ZNF615: variants seen among roughly 807,000 people sequenced by gnomAD.
The protein encoded by ZNF615 is zinc finger protein 615.
A neutral mutation model predicts 15.3 loss-of-function variants in ZNF615; 15 were observed. That is an observed-to-expected ratio of 0.98 (90% CI 0.66 to 1.51). The LOEUF (loss-of-function observed/expected upper bound fraction) is 1.51, where lower values mean the gene tolerates loss of function less well. Among genes scored for constraint, ZNF615 ranks in the 40% most tolerant of loss-of-function variants. The pLI, the probability that ZNF615 is intolerant of heterozygous loss-of-function variation, is 0.00. For missense variants in ZNF615, 848 were observed against 895.9 expected, an observed-to-expected ratio of 0.95 and a Z score of 0.68; for synonymous variants, 268 against 294.6, an observed-to-expected ratio of 0.91 and a Z score of 0.92.
Position 51,994,123 on chromosome 19 carries a change from C to T in ZNF615, c.986G>A (p.Cys329Tyr), listed in dbSNP as rs749462368. ...AGAGAAGGCCTTCCCACATACACTG[C>T]ATCCATGGGGTTTCTCTCCTGTATG... ...RTHTGEKPHG[C>Y]SVCGKAFSTK... Residue 329 changes from cysteine to tyrosine, a missense_variant, in exon 7 of 7, where the codon TGC (cysteine) becomes TAC (tyrosine). Coordinates refer to ENST00000598071, the MANE Select transcript of ZNF615 (RefSeq NM_001199324.2). The T allele has an allele frequency of 6.2e-6, 10 of 1,613,958 alleles. No individual in the cohort carries two copies. Among genetic ancestry groups the T allele is most frequent in the African/African-American group, 2.7e-5 (2 of 74,930 alleles).
At position 51,993,152 on chromosome 19, in the gene ZNF615, G is replaced by A. The variant is rs928862724; in HGVS notation, c.1957C>T (p.His653Tyr). 13 of 1,614,100 alleles carry A rather than the reference G, an allele frequency of 8.1e-6. No homozygotes were observed. The highest frequency in any genetic ancestry group is 1.1e-5 in the South Asian group (1 of 91,086). The change falls in exon 7 of 7, where the codon CAT becomes TAT. Residue 653 changes from histidine (H) to tyrosine (Y), a missense_variant. Coordinates refer to ENST00000598071, the MANE Select transcript of ZNF615 (RefSeq NM_001199324.2). ...GTCTTTCCTGTGTGAAATCGCTGATGTTGTATGAGGCATGTCTTCTTCCTG... is the reference window on the plus strand; with the variant it reads ...GTCTTTCCTGTGTGAAATCGCTGATATTGTATGAGGCATGTCTTCTTCCTG... Reference protein sequence around the residue: ...TFRKKTCLIQHQRFHTGKTSF... With the variant: ...TFRKKTCLIQYQRFHTGKTSF...
intron 6 of ZNF615, among the ~76,000 whole-genome samples, chr19:51,999,850 G>A (rs185783640): frequency 6.6e-6 from 1 of 152,260 alleles, no homozygotes. Context: ...AACTTTAAGA[G>A]AGTTCAGCAT....
chr19:51,994,361 T>C lies in ZNF615; in HGVS notation c.748A>G (p.Lys250Glu), dbSNP rs1181439859. 5.0e-6 allele frequency: 8 copies of C among 1,614,048 alleles called. No individual in the cohort carries two copies. The highest frequency in any genetic ancestry group is 6.8e-6 in the Non-Finnish European group (8 of 1,180,032). The change falls in exon 7 of 7, where the codon AAA (lysine) becomes GAA (glutamate). Residue 250 changes from lysine (K) to glutamate (E), a missense_variant. Coordinates refer to ENST00000598071, the MANE Select transcript of ZNF615 (RefSeq NM_001199324.2). Reference sequence around the variant, plus strand: ...AGTCTGGATTTTCTGGAGAAAGCTTTCCCACACATACTGCATACATGAGGT... The same window carrying C: ...AGTCTGGATTTTCTGGAGAAAGCTTCCCCACACATACTGCATACATGAGGT... ...EKPHVCSMCGKAFSRKSRLMD... is the reference protein window; with the variant it reads ...EKPHVCSMCGEAFSRKSRLMD...
At position 51,992,857 on chromosome 19, in the gene ZNF615, G is replaced by A; in HGVS notation, c.*23C>T. The A allele has an allele frequency of 6.2e-7, 1 of 1,610,736 alleles. No homozygotes were observed. ...GCAGATATCTTAAGGGCCTACATCT[G>A]GCAAGAGGCTTTCCCAAAATGACTA... On this transcript the variant is annotated 3_prime_UTR_variant, in exon 7 of 7. Transcript: ENST00000598071.
chr19:51,997,620 G>A (rs958397829), intron 6 of ZNF615, among the ~76,000 whole-genome samples: 3 of 152,134 alleles, frequency 2.0e-5, no homozygotes, highest in Non-Finnish European at 2.9e-5. Flanking sequence ...GAAAGAACTC[G>A]TCTTAACTGC....
chr19:51,994,864 C>T lies in ZNF615; in HGVS notation c.272-27G>A, dbSNP rs370684254. 5.2e-6 allele frequency: 8 copies of T among 1,533,520 alleles called. No homozygotes were observed. The African/African-American group carries it at 1.1e-4, about 21-fold the overall frequency. The allele number at this position is 1,533,520 out of a possible 1,614,324, so 95.0% of individuals were successfully genotyped here. A position where few individuals can be genotyped will look rare whatever the true frequency, so the allele number is the denominator to read the frequency against. The stretch of plus-strand genomic sequence containing the variant: ...TAGGAAAGAAGAGAACAGTCAATCA[C>T]TCCATCATCTTGTTTTGAAATAAAC... On this transcript the variant is annotated intron_variant, in intron 6 of 6. Transcript: ENST00000598071.
intron 6 of ZNF615, among the ~76,000 whole-genome samples, chr19:51,995,895 G>A (rs1013555593): frequency 6.6e-6 from 1 of 151,608 alleles, no homozygotes; most frequent in African/African-American, 2.4e-5. Flanking sequence ...ATTTTAGTTA[G>A]GAAAAAATGA....
In ZNF615 at chr19:51,993,079, T is replaced by A; in HGVS notation, c.2030A>T (p.Asp677Val). 1.9e-6 allele frequency: 3 copies of A among 1,614,176 alleles called. No individual in the cohort carries two copies. In the South Asian group the frequency reaches 3.3e-5, roughly 18 times the overall value. Residue 677 changes from aspartate to valine, a missense_variant, in exon 7 of 7, where the codon GAT becomes GTT. Physicochemically the swap from Asp to Val is radical, Grantham distance 152. Coordinates refer to ENST00000598071, the MANE Select transcript of ZNF615 (RefSeq NM_001199324.2). ...GTGAATTCTCTGATGTGTAATAAGATCATTTTTGCGCAAAGAGAATTTTCC... is the reference window on the plus strand; with the variant it reads ...GTGAATTCTCTGATGTGTAATAAGAACATTTTTGCGCAAAGAGAATTTTCC... ...ECGKFSLRKN[D>V]LITHQRIHTG...
At chr19:52,001,211 C>T (rs1026646221) in intron 5 of ZNF615, among the ~76,000 whole-genome samples, 2 of 152,110 alleles carry the variant, frequency 1.3e-5, no homozygotes, top group African/African-American at 4.8e-5. Flanking sequence ...AGGTAATACA[C>T]AAGCAGAGAC....
intron 6 of ZNF615, among the ~76,000 whole-genome samples, chr19:51,995,116 T>C (rs1203651492): frequency 6.6e-6 from 1 of 152,196 alleles, no homozygotes; most frequent in Non-Finnish European, 1.5e-5. Context: ...AACCCTATTT[T>C]AGTATAAAGG....
Position 51,993,136 on chromosome 19 carries a change from G to T in ZNF615, c.1973C>A (p.Thr658Lys), listed in dbSNP as rs1222744191. The T allele has an allele frequency of 2.5e-6, 4 of 1,614,224 alleles. No individual in the cohort carries two copies. The highest frequency in any genetic ancestry group is 2.5e-6 in the Non-Finnish European group (3 of 1,180,032). The change falls in exon 7 of 7, where the codon ACA becomes AAA. Residue 658 changes from threonine (T) to lysine (K), a missense_variant. By Grantham distance (78) the Thr-to-Lys change is moderately conservative (BLOSUM62 -1). Coordinates refer to ENST00000598071, the MANE Select transcript of ZNF615 (RefSeq NM_001199324.2). ...AGTACATGCAAAGGAAGTCTTTCCTGTGTGAAATCGCTGATGTTGTATGAG... is the reference window on the plus strand; with the variant it reads ...AGTACATGCAAAGGAAGTCTTTCCTTTGTGAAATCGCTGATGTTGTATGAG... ...TCLIQHQRFHTGKTSFACTEC... is the reference protein window; with the variant it reads ...TCLIQHQRFHKGKTSFACTEC...
intron 6 of ZNF615, among the ~76,000 whole-genome samples, chr19:51,996,128 AC>A (rs1338078697): frequency 2.0e-5 from 3 of 152,054 alleles, no homozygotes; most frequent in Non-Finnish European, 4.4e-5. Flanking sequence ...AGTGGCTCAC[AC>A]CTGTAGTCCC....
intron 2 of ZNF615, 21 bp downstream of exon 2, chr19:52,007,272 T>TAA (rs1452621300): frequency 1.6e-6 from 2 of 1,283,180 alleles, no homozygotes; most frequent in East Asian, 1.1e-4. Flanking sequence ...ACAAAGGTTA[T>TAA]CTTTGAGTAA....
chr19:51,995,407 T>G (rs904233164), intron 6 of ZNF615, among the ~76,000 whole-genome samples: 2 of 152,116 alleles, frequency 1.3e-5, no homozygotes, highest in African/African-American at 4.8e-5. Context: ...ACCCCAAAAT[T>G]TGGCAGGATA....
At position 51,993,021 on chromosome 19, in the gene ZNF615, G is replaced by A. The variant is rs367645930; in HGVS notation, c.2088C>T (p.Cys696=). ...TGEKPYKCSD[C]GKAFTTKSGL... ...CTGATTTTGTAGTGAAGGCTTTCCC[G>A]CAGTCACTGCATTTGTACGGTTTCT... Residue 696 remains cysteine, a synonymous_variant, in exon 7 of 7, where the codon TGC becomes TGT. Coordinates refer to ENST00000598071, the MANE Select transcript of ZNF615 (RefSeq NM_001199324.2). 163 of 1,613,968 alleles carry A rather than the reference G, an allele frequency of 1.0e-4. No homozygotes were observed. The Admixed American group carries it at 1.3e-3, about 12-fold the overall frequency.
intron 3 of ZNF615, 112 bp downstream of exon 3, chr19:52,003,585 C>T: frequency 1.0e-6 from 1 of 966,492 alleles, no homozygotes; most frequent in South Asian, 1.6e-5. Context: ...CCAGATTTCT[C>T]CAGGTCCTGA....
In ZNF615 at chr19:52,003,787, G is replaced by T. The variant is rs372143389; in HGVS notation, c.-76C>A. On this transcript the variant is annotated 5_prime_UTR_variant, in exon 3 of 7. Coordinates refer to ENST00000598071, the MANE Select transcript of ZNF615 (RefSeq NM_001199324.2). ...CTCTTCTGAATCAGCTCTAAATTTC[G>T]GTTCAAAAACTTCAATCTCCAATCA... The T allele has an allele frequency of 5.0e-6, 8 of 1,584,614 alleles. 1 individual carries two copies. Among genetic ancestry groups the T allele is most frequent in the East Asian group, 2.3e-5 (1 of 44,266 alleles).
intron 6 of ZNF615, among the ~76,000 whole-genome samples, chr19:51,998,904 C>T (rs1568501808): frequency 6.6e-6 from 1 of 152,216 alleles, no homozygotes; most frequent in Non-Finnish European, 1.5e-5. Flanking sequence ...ATCCATCTGC[C>T]TTGGCCTCCC....
Position 51,994,355 on chromosome 19 carries a change from A to G in ZNF615, c.754T>C (p.Phe252Leu). ...TCCATTAGTCTGGATTTTCTGGAGA[A>G]AGCTTTCCCACACATACTGCATACA... ...PHVCSMCGKA[F>L]SRKSRLMDHQ... The change falls in exon 7 of 7, where the codon TTC becomes CTC. Residue 252 changes from phenylalanine (F) to leucine (L), a missense_variant. Physicochemically the swap from Phe to Leu is conservative, Grantham distance 22. Coordinates refer to ENST00000598071, the MANE Select transcript of ZNF615 (RefSeq NM_001199324.2). The G allele has an allele frequency of 6.2e-7, 1 of 1,614,124 alleles. No homozygotes were observed. Among genetic ancestry groups the G allele is most frequent in the South Asian group, 1.1e-5 (1 of 91,084 alleles).
Sources: gnomAD v4.1 joint callset for allele counts (sites outside exome capture counted in the v4.1 genomes callset) on GRCh38, gnomAD v4.1.1 for gene constraint, MANE v1.5 for transcripts, NCBI Gene and HGNC (gene_info 2026-07-23, HGNC 2026-07-21) for gene names.